EFCAB7: variants seen among roughly 807,000 people sequenced by gnomAD.
EFCAB7 encodes the protein EF-hand calcium binding domain 7, also known as EF-hand calcium-binding domain-containing protein 7.
Under a neutral mutation model 77.1 loss-of-function variants are expected in EFCAB7, and 66 were observed. The ratio of observed to expected loss-of-function variants is 0.86; its 90% confidence interval spans 0.70 to 1.05. The LOEUF (loss-of-function observed/expected upper bound fraction) is 1.05, where lower values mean the gene tolerates loss of function less well. Among genes scored for constraint, EFCAB7 ranks in the 50% least tolerant of loss-of-function variants. The probability of loss-of-function intolerance (pLI) is 0.00; values close to 1 mark genes in which losing one functional copy is unlikely to be tolerated. For synonymous variants in EFCAB7, 225 were observed against 243.3 expected, an observed-to-expected ratio of 0.92 and a Z score of 0.70; for missense variants, 638 against 730.5, an observed-to-expected ratio of 0.87 and a Z score of 1.46.
the EFCAB7 span, among the ~76,000 whole-genome samples, chr1:63,583,393 A>G: frequency 6.6e-6 from 1 of 152,210 alleles, no homozygotes; most frequent in Non-Finnish European, 1.5e-5. Flanking sequence ...CCCTTTTTCT[A>G]GATTGGTTCC....
rs563555445 is a variant in EFCAB7 at position 63,553,985 on chromosome 1, A to G, written c.1057-1373A>G. 2.0e-5 allele frequency among the ~76,000 whole-genome samples: 3 copies of G among 152,006 alleles called. No homozygotes were observed. The South Asian group carries it at 6.2e-4, about 32-fold the overall frequency. On this transcript the variant is annotated intron_variant, in intron 8 of 13. Coordinates refer to ENST00000371088, the MANE Select transcript of EFCAB7 (RefSeq NM_032437.4). ...AAGTAGCTGGGACTATAGATGCATT[A>G]TTATTATTGTTGTTATTTTTAGAGA...
chr1:63,583,542 G>C, the EFCAB7 span, among the ~76,000 whole-genome samples: 1 of 152,054 alleles, frequency 6.6e-6, no homozygotes, highest in South Asian at 2.1e-4. Flanking sequence ...AGGTCTACTT[G>C]CTCCCCAAAA....
At chr1:63,574,183 A>AG (rs1647346628), downstream of EFCAB7, among the ~76,000 whole-genome samples, 1 of 151,308 alleles carries the variant, frequency 6.6e-6, no homozygotes, top group African/African-American at 2.4e-5. Context: ...TAGGGAAGGG[A>AG]GGGGGCCTGA....
intron 12 of EFCAB7, chr1:63,570,519 A>G (rs1250971697): frequency 6.6e-6 from 1 of 152,448 alleles, no homozygotes; most frequent in Admixed American, 6.5e-5. Flanking sequence ...AGTGTGAGCT[A>G]GGAGTCAGTA....
In EFCAB7 at chr1:63,568,322, G is replaced by C; in HGVS notation, c.1510G>C (p.Val504Leu). The C allele has an allele frequency of 6.2e-7, 1 of 1,601,552 alleles. No individual in the cohort carries two copies. Among genetic ancestry groups the C allele is most frequent in the Non-Finnish European group, 8.5e-7 (1 of 1,175,926 alleles). The change falls in exon 12 of 14, where the codon GTC becomes CTC. Residue 504 changes from valine (V) to leucine (L), a missense_variant. Coordinates refer to ENST00000371088, the MANE Select transcript of EFCAB7 (RefSeq NM_032437.4). ...TTTTTCCTATCAGGCATGTCCATTT[G>C]TCATTGATATCTATGCAGAAAAATG... Reference protein sequence around the residue: ...ALELTEACPFVIDIYAEKCKP... With the variant: ...ALELTEACPFLIDIYAEKCKP...
chr1:63,555,191 G>T (rs1647016275), intron 8 of EFCAB7, 167 bp from the exon 9 acceptor site: 2 of 686,826 alleles, frequency 2.9e-6, no homozygotes, highest in South Asian at 3.5e-5. Flanking sequence ...TTAACAAAAA[G>T]AATTTGAAAC....
intron 12 of EFCAB7, chr1:63,569,548 A>G (rs993418500): frequency 6.6e-6 from 1 of 152,184 alleles, no homozygotes; most frequent in Admixed American, 6.6e-5. Flanking sequence ...GATGACTAGG[A>G]TTTAGATATG....
At chr1:63,530,567 T>C (rs1646677673) in intron 2 of EFCAB7, among the ~76,000 whole-genome samples, 1 of 152,232 alleles carries the variant, frequency 6.6e-6, no homozygotes, top group South Asian at 2.1e-4. Flanking sequence ...TACATAAATA[T>C]ACAAAGCTTT....
the EFCAB7 span, among the ~76,000 whole-genome samples, chr1:63,583,993 G>A: frequency 6.6e-6 from 1 of 150,958 alleles, no homozygotes; most frequent in South Asian, 2.1e-4. Context: ...TATGGATCTT[G>A]GAGAAATTCA....
chr1:63,531,883 C>T lies in EFCAB7; in HGVS notation c.251C>T (p.Thr84Ile), dbSNP rs1295715964. 6.2e-7 allele frequency: 1 copy of T among 1,613,306 alleles called. No homozygotes were observed. The highest frequency in any genetic ancestry group is 1.7e-5 in the Admixed American group (1 of 59,976). The part of the protein sequence containing the change: ...KTINKYWTPQ[T>I]AKLNFDDFCI... ...ATTAATAAGTATTGGACTCCTCAAA[C>T]TGCCAAACTGAATTTTGATGATTTT... The change falls in exon 3 of 14, where the codon ACT becomes ATT. Residue 84 changes from threonine to isoleucine, a missense_variant. Thr to Ile is a moderately conservative substitution (Grantham distance 89). Coordinates refer to ENST00000371088, the MANE Select transcript of EFCAB7 (RefSeq NM_032437.4).
At chr1:63,534,969 G>A (rs929715346) in intron 6 of EFCAB7, among the ~76,000 whole-genome samples, 1 of 151,928 alleles carries the variant, frequency 6.6e-6, no homozygotes. Flanking sequence ...AGACTGTTTA[G>A]GAATCTATAC....
intron 11 of EFCAB7, among the ~76,000 whole-genome samples, chr1:63,562,494 T>TATAA (rs1647120028): frequency 2.9e-5 from 3 of 102,074 alleles, no homozygotes; most frequent in African/African-American, 1.6e-4. Context: ...TATATATATA[T>TATAA]AAAACTTTTT....
Position 63,523,637 on chromosome 1 carries a change from A to G in EFCAB7, c.-2+3A>G, listed in dbSNP as rs551843457. On this transcript the variant is annotated splice_donor_region_variant and intron_variant, in intron 1 of 13. Coordinates refer to ENST00000371088, the MANE Select transcript of EFCAB7 (RefSeq NM_032437.4). ...CCTTGTTTGTGAGCTAGAATTAGGT[A>G]GCAAACAGCTCGCTGTCTCTGTCTC... 5 of 182,978 alleles carry G rather than the reference A, an allele frequency of 2.7e-5. No individual in the cohort carries two copies. The South Asian group carries it at 5.0e-4, about 18-fold the overall frequency. The allele number at this position is 182,978 out of a possible 1,614,324, so 11.3% of individuals were successfully genotyped here.
the EFCAB7 span, among the ~76,000 whole-genome samples, chr1:63,579,720 C>T: frequency 6.6e-6 from 1 of 152,100 alleles, no homozygotes; most frequent in Non-Finnish European, 1.5e-5. Flanking sequence ...GTATTGTCTG[C>T]GTTTTTTATT....
At chr1:63,528,906 C>T (rs905440039) in intron 2 of EFCAB7, among the ~76,000 whole-genome samples, 2 of 151,900 alleles carry the variant, frequency 1.3e-5, no homozygotes, top group African/African-American at 4.8e-5. Context: ...AGTAGTGTAG[C>T]AATATGATAA....
At chr1:63,555,751 A>T (rs541685085) in intron 9 of EFCAB7, among the ~76,000 whole-genome samples, 4 of 150,438 alleles carry the variant, frequency 2.7e-5, no homozygotes, top group South Asian at 2.1e-4. Flanking sequence ...TTTTTTTTTT[A>T]AATAGAGACA....
rs1047477498 is a variant in EFCAB7 at position 63,544,657 on chromosome 1, C to T, written c.805-1259C>T. ...TGAACTCCTGACCTTGTGATCCACA[C>T]GCCTTGGCCTCCCAAAGGGCTGGGA... On this transcript the variant is annotated intron_variant, in intron 6 of 13. Transcript: ENST00000371088. Among the ~76,000 whole-genome samples, 6 of 152,124 alleles carry T rather than the reference C, an allele frequency of 3.9e-5. No homozygotes were observed. The East Asian group carries it at 7.7e-4, about 20-fold the overall frequency.
At chr1:63,584,155 C>CA in the EFCAB7 span, among the ~76,000 whole-genome samples, 1 of 152,174 alleles carries the variant, frequency 6.6e-6, no homozygotes, top group Admixed American at 6.5e-5. Context: ...TATTCAAGAT[C>CA]ACTTTTGACT....
chr1:63,528,205 T>TA (rs1174640114), intron 2 of EFCAB7, among the ~76,000 whole-genome samples: 1 of 151,802 alleles, frequency 6.6e-6, no homozygotes, highest in East Asian at 1.9e-4. Context: ...TGGATAAAAA[T>TA]AAAAAAAGTG....
Sources: gnomAD v4.1 joint callset for allele counts (sites outside exome capture counted in the v4.1 genomes callset) on GRCh38, gnomAD v4.1.1 for gene constraint, MANE v1.5 for transcripts, NCBI Gene and HGNC (gene_info 2026-07-23, HGNC 2026-07-21) for gene names.